GSE1: variants seen among roughly 807,000 people sequenced by gnomAD.
The protein encoded by GSE1 is Gse1 coiled-coil protein, also known as genetic suppressor element 1.
In GSE1, 32 loss-of-function variants were observed where a neutral mutation model predicts 112.6. The ratio of observed to expected loss-of-function variants is 0.28; its 90% CI spans 0.21 to 0.38. The LOEUF (loss-of-function observed/expected upper bound fraction) is 0.38. Among genes scored for constraint, GSE1 ranks in the 10% least tolerant of loss-of-function variants. The pLI, the probability that GSE1 is intolerant of heterozygous loss-of-function variation, is 1.00. For missense variants in GSE1, 2,348 were observed against 1,699.2 expected, an observed-to-expected ratio of 1.38 and a Z score of -6.71; for synonymous variants, 1,115 against 735.6, an observed-to-expected ratio of 1.52 and a Z score of -8.35.
At chr16:85,668,106 C>A in intron 13 of GSE1, 34 bp from the exon 14 acceptor site, 1 of 1,515,312 alleles carries the variant, frequency 6.6e-7, no homozygotes, top group Non-Finnish European at 8.9e-7. Context: ...TCCCTTCCCC[C>A]AACACACTGA....
intron 1 of GSE1, among the ~76,000 whole-genome samples, chr16:85,275,822 G>A (rs1351663368): frequency 6.6e-6 from 1 of 152,240 alleles, no homozygotes; most frequent in Non-Finnish European, 1.5e-5. Flanking sequence ...GGGAAGGGAA[G>A]GGCTTGGCTG....
rs573636624 is a variant in GSE1 at position 85,320,716 on chromosome 16, C to T, written c.2284-36747C>T. On this transcript the variant is annotated intron_variant, in intron 1 of 2. Coordinates refer to the GSE1 transcript ENST00000637419. ...TGAGGTTTTGAGCAGCATGACTTCTCGGGGAACACTGTTCCAGCCATTGCA... is the reference window on the plus strand; with the variant it reads ...TGAGGTTTTGAGCAGCATGACTTCTTGGGGAACACTGTTCCAGCCATTGCA... 1.8e-4 allele frequency among the ~76,000 whole-genome samples: 27 copies of T among 152,298 alleles called. No individual in the cohort carries two copies. The South Asian group carries it at 4.8e-3, about 27-fold the overall frequency.
chr16:85,423,024 C>T (rs1036365187), intron 2 of GSE1, among the ~76,000 whole-genome samples: 3 of 152,346 alleles, frequency 2.0e-5, no homozygotes, highest in African/African-American at 2.4e-5. Flanking sequence ...GCCCCTGGTC[C>T]ACACATCCCT....
chr16:85,252,999 C>A (rs1419952605), intron 1 of GSE1, among the ~76,000 whole-genome samples: 1 of 151,472 alleles, frequency 6.6e-6, no homozygotes, highest in African/African-American at 2.4e-5. Flanking sequence ...CAGCCCCTAG[C>A]CACTCCCCAC....
intron 1 of GSE1, among the ~76,000 whole-genome samples, chr16:85,184,500 C>G (rs912225716): frequency 1.1e-4 from 17 of 152,182 alleles, no homozygotes; most frequent in African/African-American, 3.9e-4. Flanking sequence ...TAAGCATTCC[C>G]CATATGCTTC....
At chr16:85,410,315 C>A (rs1259166942) in intron 2 of GSE1, among the ~76,000 whole-genome samples, 2 of 68,676 alleles carry the variant, frequency 2.9e-5, no homozygotes. Context: ...ATAATCCTCA[C>A]TGTTACACTC....
intron 1 of GSE1, among the ~76,000 whole-genome samples, chr16:85,332,534 T>TA (rs2046397080): frequency 2.0e-5 from 3 of 152,054 alleles, no homozygotes; most frequent in Admixed American, 1.3e-4. Flanking sequence ...TAATATGACT[T>TA]ACGGTGTCCA....
At chr16:85,524,432 C>T (rs908474024) in intron 2 of GSE1, among the ~76,000 whole-genome samples, 10 of 152,124 alleles carry the variant, frequency 6.6e-5, no homozygotes, top group African/African-American at 1.9e-4. Context: ...GACATAAGGG[C>T]TCCTAAATGC....
chr16:85,240,978 C>A (rs1370073627), intron 1 of GSE1, among the ~76,000 whole-genome samples: 1 of 152,194 alleles, frequency 6.6e-6, no homozygotes, highest in Non-Finnish European at 1.5e-5. Context: ...AAAGCTGCCA[C>A]CCTAGGCCTT....
chr16:85,399,029 T>C (rs2048031012), intron 2 of GSE1, among the ~76,000 whole-genome samples: 1 of 150,456 alleles, frequency 6.6e-6, no homozygotes, highest in Non-Finnish European at 1.5e-5. Context: ...TTGGCAGACA[T>C]TGGCAGACAC....
intron 2 of GSE1, among the ~76,000 whole-genome samples, chr16:85,517,840 G>A (rs1006024940): frequency 1.3e-5 from 2 of 152,240 alleles, no homozygotes; most frequent in African/African-American, 4.8e-5. Flanking sequence ...AGCAGGCTCC[G>A]CCGTGAAGAA....
chr16:85,636,529 C>T (rs544834997), intron 2 of GSE1, among the ~76,000 whole-genome samples: 60 of 152,310 alleles, frequency 3.9e-4, no homozygotes, highest in East Asian at 3.7e-3. Flanking sequence ...TGGAGTCACC[C>T]GGACCCTGAC....
chr16:85,656,198 T>C (rs2051913679), intron 6 of GSE1, 145 bp from the exon 7 acceptor site: 2 of 1,020,096 alleles, frequency 2.0e-6, no homozygotes, highest in Non-Finnish European at 2.9e-6. Flanking sequence ...AAGTTCTTCC[T>C]GCACCAGTGA....
At chr16:85,359,448 C>A (rs777954232) in intron 2 of GSE1, 63 of 455,502 alleles carry the variant, frequency 1.4e-4, no homozygotes, top group Non-Finnish European at 2.6e-5. Context: ...CAGGCCCACC[C>A]ACTTCTTATC....
At chr16:85,555,058 C>T (rs1050892005), upstream of GSE1, 28 of 985,268 alleles carry the variant, frequency 2.8e-5, no homozygotes, top group Non-Finnish European at 3.1e-5. Flanking sequence ...TATTATCGCC[C>T]TGCGAAGCAT....
intron 2 of GSE1, among the ~76,000 whole-genome samples, chr16:85,415,927 C>G (rs536896303): frequency 2.2e-4 from 33 of 152,208 alleles, no homozygotes; most frequent in Admixed American, 3.9e-4. Flanking sequence ...CATCGAAGGC[C>G]GAGCAATAAC....
At chr16:85,667,000 TAG>T (rs2052916598) in intron 13 of GSE1, among the ~76,000 whole-genome samples, 1 of 152,248 alleles carries the variant, frequency 6.6e-6, no homozygotes, top group Admixed American at 6.5e-5. Context: ...ACAAGTACTC[TAG>T]AGGTGTGCAT....
intron 13 of GSE1, chr16:85,666,670 A>G: frequency 3.1e-6 from 1 of 320,062 alleles, no homozygotes; most frequent in Non-Finnish European, 5.8e-6. Context: ...AAGATTCCCC[A>G]AAGGCAGGAA....
intron 1 of GSE1, among the ~76,000 whole-genome samples, chr16:85,633,169 C>G (rs2049692297): frequency 6.6e-6 from 1 of 152,238 alleles, no homozygotes; most frequent in African/African-American, 2.4e-5. Context: ...TCCGGGCAGA[C>G]TCTGTGCCCA....
Sources: gnomAD v4.1 joint callset for allele counts (sites outside exome capture counted in the v4.1 genomes callset) on GRCh38, gnomAD v4.1.1 for gene constraint, MANE v1.5 for transcripts, NCBI Gene and HGNC (gene_info 2026-07-23, HGNC 2026-07-21) for gene names.